GRK3: variants seen among roughly 807,000 people sequenced by gnomAD.
The protein encoded by GRK3 is G protein-coupled receptor kinase 3, also known as adrenergic, beta, receptor kinase 2.
In GRK3, 54 loss-of-function variants were observed where a neutral mutation model predicts 95.7. That is an observed-to-expected ratio of 0.56 (90% CI 0.45 to 0.71). The LOEUF (loss-of-function observed/expected upper bound fraction) is 0.71, where lower values mean the gene tolerates loss of function less well. Ranked by LOEUF, GRK3 falls within the 30% of genes least tolerant of loss-of-function variation. The pLI, the probability that GRK3 is intolerant of heterozygous loss-of-function variation, is 0.00. For synonymous variants in GRK3, 281 were observed against 290.8 expected, an observed-to-expected ratio of 0.97 and a Z score of 0.34; for missense variants, 649 against 851.2, an observed-to-expected ratio of 0.76 and a Z score of 2.96.
chr22:25,675,097 G>T (rs2085016984), intron 8 of GRK3, among the ~76,000 whole-genome samples: 1 of 152,298 alleles, frequency 6.6e-6, no homozygotes, highest in African/African-American at 2.4e-5. Flanking sequence ...CAGGGAGCCA[G>T]AGGTGAACTA....
At chr22:25,675,358 G>A (rs926805230) in intron 8 of GRK3, among the ~76,000 whole-genome samples, 1 of 152,132 alleles carries the variant, frequency 6.6e-6, no homozygotes, top group Non-Finnish European at 1.5e-5. Context: ...CTTGGTTAAC[G>A]TTTTTCCTGG....
chr22:25,606,046 T>A (rs1385275158), intron 2 of GRK3, among the ~76,000 whole-genome samples: 18 of 152,098 alleles, frequency 1.2e-4, no homozygotes, highest in African/African-American at 4.3e-4. Context: ...CCCCCAAACA[T>A]GTATTTTCCA....
At chr22:25,663,570 A>G in intron 4 of GRK3, 60 bp from the exon 5 acceptor site, 1 of 1,086,014 alleles carries the variant, frequency 9.2e-7, no homozygotes. Context: ...GTGATATTAT[A>G]TAACATACAC....
At chr22:25,578,357 A>G (rs987166801) in intron 1 of GRK3, among the ~76,000 whole-genome samples, 1 of 152,190 alleles carries the variant, frequency 6.6e-6, no homozygotes, top group Admixed American at 6.5e-5. Context: ...GGCCAGAAGA[A>G]GGGGTTTCCA....
chr22:25,620,783 C>T (rs1366722528), intron 2 of GRK3, among the ~76,000 whole-genome samples: 1 of 152,084 alleles, frequency 6.6e-6, no homozygotes, highest in Non-Finnish European at 1.5e-5. Flanking sequence ...GTTGACAGCA[C>T]CGTTTGGAGT....
In GRK3 at chr22:25,725,256, A is replaced by G. The variant is rs2085464880; in HGVS notation, c.*2806A>G. 3.5e-6 allele frequency: 1 copy of G among 283,692 alleles called. No homozygotes were observed. Among genetic ancestry groups the G allele is most frequent in the East Asian group, 5.8e-5 (1 of 17,246 alleles). 17.6% of individuals were successfully genotyped at this position (283,692 alleles called of 1,614,324 possible). ...AGCCTATTTTTTTTCATTATTTTAG[A>G]TTCCTGTGGTTGGGATATTTTAACA... On this transcript the variant is annotated 3_prime_UTR_variant, in exon 21 of 21. Coordinates refer to ENST00000324198, the MANE Select transcript of GRK3 (RefSeq NM_005160.4).
intron 2 of GRK3, among the ~76,000 whole-genome samples, chr22:25,634,192 G>T (rs1296244476): frequency 2.0e-5 from 3 of 152,128 alleles, no homozygotes. Context: ...TTGAAAAAAT[G>T]TACTAATATT....
intron 3 of GRK3, chr22:25,649,057 T>A (rs2084808941): frequency 6.8e-7 from 1 of 1,476,476 alleles, no homozygotes; most frequent in Non-Finnish European, 9.5e-7. Flanking sequence ...CTGGAACAGG[T>A]GGAGCGAGGA....
At chr22:25,633,930 A>G (rs2084681827) in intron 2 of GRK3, among the ~76,000 whole-genome samples, 1 of 152,132 alleles carries the variant, frequency 6.6e-6, no homozygotes, top group Admixed American at 6.6e-5. Flanking sequence ...TCTTTGGATA[A>G]TTTAATTTTT....
chr22:25,691,820 C>T lies in GRK3; in HGVS notation c.1052+1537C>T, dbSNP rs112201367. Among the ~76,000 whole-genome samples, 725 of 152,238 alleles carry T rather than the reference C, an allele frequency of 4.8e-3. 7 individuals are homozygous for T. The highest frequency in any genetic ancestry group is 0.017 in the African/African-American group (699 of 41,522). ...CTATAATTCACATGTCAGCTCTGAA[C>T]GGTGGGCTGTTCTTTTGCCTGCTCT... On this transcript the variant is annotated intron_variant, in intron 12 of 20. Transcript: ENST00000324198.
intron 1 of GRK3, among the ~76,000 whole-genome samples, chr22:25,592,145 A>T (rs1014212471): frequency 2.6e-5 from 4 of 152,160 alleles, no homozygotes; most frequent in African/African-American, 9.7e-5. Context: ...CCCTCCCAAC[A>T]TTTAGTATGG....
At chr22:25,647,833 G>T in intron 3 of GRK3, 1 of 782,264 alleles carries the variant, frequency 1.3e-6, no homozygotes, top group South Asian at 1.4e-5. Context: ...TGAAATGGCT[G>T]GGTGCAGTGG....
rs145462137 is a variant in GRK3 at position 25,601,201 on chromosome 22, C to CAT, written c.114-3174_114-3173dup. Among the ~76,000 whole-genome samples the CAT allele has an allele frequency of 1.9e-3, 295 of 152,298 alleles. 2 individuals carry two copies. In the East Asian group the frequency reaches 0.047, roughly 24 times the overall value. ...TATGAATCAGTCTATCCAACAGCAG[C>CAT]ATACACATTCCCTTTAAGTGTACGT... On this transcript the variant is annotated intron_variant, in intron 1 of 20. Transcript: ENST00000324198.
chr22:25,580,462 G>C (rs953319542), intron 1 of GRK3: 2 of 152,192 alleles, frequency 1.3e-5, no homozygotes, highest in Admixed American at 1.3e-4. Context: ...GTTTATATGA[G>C]AAAATTATCC....
intron 15 of GRK3, among the ~76,000 whole-genome samples, chr22:25,707,198 T>C (rs2085306697): frequency 6.6e-6 from 1 of 152,228 alleles, no homozygotes; most frequent in African/African-American, 2.4e-5. Flanking sequence ...TTGCATGCTT[T>C]CATGCAATCA....
At chr22:25,599,082 C>T (rs1417601457) in intron 1 of GRK3, among the ~76,000 whole-genome samples, 2 of 152,122 alleles carry the variant, frequency 1.3e-5, no homozygotes, top group Non-Finnish European at 1.5e-5. Context: ...CAAAATTGAT[C>T]ATAAATCTGC....
At position 25,663,689 on chromosome 22, in the gene GRK3, A is replaced by G. The variant is rs532225559; in HGVS notation, c.426A>G (p.Thr142=). ...GTCATTTATCCAAGAAACAAGTGAC[A>G]TCAACTCTTTTTCAGGTAAGATAAA... is the stretch of plus-strand genomic sequence containing the variant. ...VQSHLSKKQV[T]STLFQPYIEE... Residue 142 remains threonine (T), a synonymous_variant, in exon 5 of 21, where the codon ACA becomes ACG. Coordinates refer to ENST00000324198, the MANE Select transcript of GRK3 (RefSeq NM_005160.4). 9 of 1,610,462 alleles carry G rather than the reference A, an allele frequency of 5.6e-6. No individual in the cohort carries two copies. The Middle Eastern group carries it at 5.0e-4, about 89-fold the overall frequency.
At chr22:25,605,437 C>T (rs576317520) in intron 2 of GRK3, among the ~76,000 whole-genome samples, 182 of 152,274 alleles carry the variant, frequency 1.2e-3, no homozygotes, top group African/African-American at 4.2e-3. Flanking sequence ...TCCTTTGCTT[C>T]TGATTTTGTG....
chr22:25,682,949 A>G (rs2085086011), intron 9 of GRK3, among the ~76,000 whole-genome samples: 1 of 152,206 alleles, frequency 6.6e-6, no homozygotes, highest in South Asian at 2.1e-4. Context: ...CTCTCACTCC[A>G]TGTTGCTTAC....
Sources: allele counts gnomAD v4.1 joint callset (sites outside exome capture counted in the v4.1 genomes callset), GRCh38; gene constraint gnomAD v4.1.1; transcripts MANE v1.5; gene names NCBI Gene and HGNC (gene_info 2026-07-23, HGNC 2026-07-21).